The following DAB1 variants were observed in gnomAD, a reference collection of about 807,000 sequenced individuals.
DAB1 encodes disabled homolog 1.
In DAB1, 15 loss-of-function variants were observed where a neutral mutation model predicts 64.6. The ratio of observed to expected loss-of-function variants is 0.23; its 90% confidence interval spans 0.16 to 0.36. DAB1 has a LOEUF of 0.36. DAB1 is among the 10% of genes least tolerant of loss of function. DAB1 has a pLI of 1.00. For missense variants in DAB1, 596 were observed against 706.7 expected (o/e 0.84, Z 1.78); for synonymous variants, 235 against 251.9 (o/e 0.93, Z 0.64).
At chr1:57,212,359 CTTTTTTTTTTTTTTT>C (rs57653531) in intron 2 of DAB1, among the ~76,000 whole-genome samples, 2 of 82,176 alleles carry the variant, frequency 2.4e-5, no homozygotes, top group African/African-American at 9.9e-5. Context: ...ATATTATTTC[CTTTTTTTTTTTTTTT>C]TTTTTTTTTT....
At chr1:58,065,812 C>A (rs956846488) in intron 5 of DAB1, among the ~76,000 whole-genome samples, 4 of 152,166 alleles carry the variant, frequency 2.6e-5, no homozygotes, top group Non-Finnish European at 5.9e-5. Flanking sequence ...CTTGGCCAAC[C>A]CTGAGGGAGT....
At chr1:57,079,455 C>T (rs1652285250) in intron 4 of DAB1, among the ~76,000 whole-genome samples, 1 of 152,150 alleles carries the variant, frequency 6.6e-6, no homozygotes, top group Non-Finnish European at 1.5e-5. Context: ...TATCCTCAGT[C>T]CTTCCTCATC....
chr1:57,196,614 G>T (rs1664643480), intron 2 of DAB1, among the ~76,000 whole-genome samples: 2 of 152,210 alleles, frequency 1.3e-5, no homozygotes, highest in South Asian at 4.1e-4. Flanking sequence ...TGTCACTTGA[G>T]TCACTGTGCA....
chr1:58,354,943 C>T (rs1372186604), intron 3 of DAB1, among the ~76,000 whole-genome samples: 1 of 152,158 alleles, frequency 6.6e-6, no homozygotes, highest in Non-Finnish European at 1.5e-5. Context: ...AATCTTCCCC[C>T]TCTAAGTTAG....
In DAB1 at chr1:57,188,368, A is replaced by G. The variant is rs155302; in HGVS notation, c.68-42939T>C. On this transcript the variant is annotated intron_variant, in intron 2 of 14. Coordinates refer to ENST00000371236, the MANE Select transcript of DAB1 (RefSeq NM_001365792.1). ...TGACATGTGATAGTGGTTCAGTGTG[A>G]GTAATCGACAGAAAAAGGCAGGAAA... Among the ~76,000 whole-genome samples the G allele has an allele frequency of 3.3e-4, 50 of 152,234 alleles. 1 individual carries two copies. The South Asian group carries it at 8.5e-3, about 26-fold the overall frequency.
At chr1:57,536,129 G>C (rs1644724641) in intron 7 of DAB1, among the ~76,000 whole-genome samples, 1 of 152,166 alleles carries the variant, frequency 6.6e-6, no homozygotes, top group Non-Finnish European at 1.5e-5. Context: ...GTAGATTGTG[G>C]TCTGACTTCA....
intron 4 of DAB1, among the ~76,000 whole-genome samples, chr1:58,161,431 T>C (rs1655530333): frequency 6.6e-6 from 1 of 152,158 alleles, no homozygotes; most frequent in Non-Finnish European, 1.5e-5. Flanking sequence ...AACAGGATTA[T>C]TTGGAATCAC....
chr1:57,631,306 C>T (rs1220892320), intron 7 of DAB1, among the ~76,000 whole-genome samples: 1 of 152,224 alleles, frequency 6.6e-6, no homozygotes, highest in East Asian at 1.9e-4. Flanking sequence ...CTTCACCATT[C>T]TTCTGACTAT....
intron 1 of DAB1, among the ~76,000 whole-genome samples, chr1:57,378,361 G>A (rs1681078542): frequency 6.6e-6 from 1 of 152,190 alleles, no homozygotes. Context: ...TGAGAGCCAG[G>A]CAATCATCAA....
At chr1:58,136,996 T>C (rs1016489556) in intron 5 of DAB1, among the ~76,000 whole-genome samples, 3 of 151,976 alleles carry the variant, frequency 2.0e-5, no homozygotes, top group Non-Finnish European at 2.9e-5. Flanking sequence ...GATGTGGGTA[T>C]GGAGAAATGA....
chr1:58,422,319 T>C (rs706422), intron 3 of DAB1, among the ~76,000 whole-genome samples: 92,553 of 151,352 alleles, frequency 0.61, 29,357 homozygotes, highest in African/African-American at 0.78. Flanking sequence ...AGTATTGCTG[T>C]GGACACTTCT....
At chr1:57,215,661 A>G (rs1666370204) in intron 2 of DAB1, among the ~76,000 whole-genome samples, 1 of 152,218 alleles carries the variant, frequency 6.6e-6, no homozygotes, top group Non-Finnish European at 1.5e-5. Flanking sequence ...TTAGAAGGTC[A>G]TCCCACTTCG....
At chr1:58,302,680 C>T (rs929635794) in intron 4 of DAB1, among the ~76,000 whole-genome samples, 1 of 151,926 alleles carries the variant, frequency 6.6e-6, no homozygotes, top group Non-Finnish European at 1.5e-5. Context: ...TTCACTTTCT[C>T]ATCTGTCAAG....
chr1:58,506,121 C>T (rs777331074), exon 3 of DAB1: 5 of 871,680 alleles, frequency 5.7e-6, no homozygotes, highest in Admixed American at 5.1e-5. Flanking sequence ...TGTAGATAAC[C>T]ATTCTGGCAT....
chr1:57,133,996 A>C (rs1348978552), intron 4 of DAB1, among the ~76,000 whole-genome samples: 1 of 152,194 alleles, frequency 6.6e-6, no homozygotes, highest in African/African-American at 2.4e-5. Context: ...CTTTAAGAGA[A>C]AACATAATCT....
intron 7 of DAB1, among the ~76,000 whole-genome samples, chr1:57,579,726 C>T (rs564535876): frequency 2.6e-5 from 4 of 152,258 alleles, no homozygotes; most frequent in South Asian, 2.1e-4. Flanking sequence ...TGGTGTATAA[C>T]GCAGCAAGCT....
Position 57,808,492 on chromosome 1 carries a change from T to C in DAB1, n.551+75507A>G, listed in dbSNP as rs144427757. On this transcript the variant is annotated intron_variant and non_coding_transcript_variant, in intron 6 of 20. Coordinates refer to the DAB1 transcript ENST00000485760. ...ATTACTTAGCTCTGTGCTTGGCACA[T>C]GGTAAGCATTCAGAAAATGGCTTTG... Among the ~76,000 whole-genome samples, 22 of 152,296 alleles carry C rather than the reference T, an allele frequency of 1.4e-4. No homozygotes were observed. The East Asian group carries it at 4.2e-3, about 29-fold the overall frequency.
intron 9 of DAB1, among the ~76,000 whole-genome samples, chr1:57,026,688 T>C (rs1329581074): frequency 6.6e-6 from 1 of 152,166 alleles, no homozygotes; most frequent in African/African-American, 2.4e-5. Context: ...AAACATTTCA[T>C]TTAATACCAG....
At chr1:57,930,806 C>T (rs1644943168) in intron 5 of DAB1, among the ~76,000 whole-genome samples, 1 of 152,108 alleles carries the variant, frequency 6.6e-6, no homozygotes, top group South Asian at 2.1e-4. Context: ...AATCTCCAAA[C>T]AAAGACAGTT....
Sources: gnomAD v4.1 joint callset for allele counts (sites outside exome capture counted in the v4.1 genomes callset) on GRCh38, gnomAD v4.1.1 for gene constraint, MANE v1.5 for transcripts, NCBI Gene and HGNC (gene_info 2026-07-23, HGNC 2026-07-21) for gene names.